Variants in GLYATL3 observed in about 807,000 individuals in gnomAD.
GLYATL3 encodes the protein glycine-N-acyltransferase like 3, also known as glycine N-acyltransferase-like protein 3.
In GLYATL3, 31 loss-of-function variants were observed where a neutral mutation model predicts 28.5. The ratio of observed to expected loss-of-function variants is 1.09; its 90% CI spans 0.82 to 1.47. GLYATL3 has a LOEUF of 1.47. Among genes scored for constraint, GLYATL3 ranks in the 40% most tolerant of loss-of-function variants. GLYATL3 has a pLI of 0.00. For missense variants in GLYATL3, 369 were observed against 351.5 expected, an observed-to-expected ratio of 1.05 and a Z score of -0.40; for synonymous variants, 141 against 140.2, an observed-to-expected ratio of 1.01 and a Z score of -0.04.
In GLYATL3 at chr6:49,500,036, C is replaced by T. The variant is rs1441509069; in HGVS notation, c.-35C>T. 6.6e-6 allele frequency: 1 copy of T among 152,032 alleles called. No individual in the cohort carries two copies. The highest frequency in any genetic ancestry group is 1.5e-5 in the Non-Finnish European group (1 of 68,004). 9.4% of individuals were successfully genotyped at this position (152,032 alleles called of 1,614,324 possible). On this transcript the variant is annotated 5_prime_UTR_variant, in exon 1 of 6. Transcript: ENST00000371197. Reference sequence around the variant, plus strand: ...AAACCCTCAGTTCTGGACTGAACTCCCAGCAGGTAAACATTTATTCATTAA... The same window carrying T: ...AAACCCTCAGTTCTGGACTGAACTCTCAGCAGGTAAACATTTATTCATTAA...
At chr6:49,503,493 G>A (rs1192908004) in intron 1 of GLYATL3, among the ~76,000 whole-genome samples, 1 of 152,216 alleles carries the variant, frequency 6.6e-6, no homozygotes, top group African/African-American at 2.4e-5. Context: ...TAATAGGGGA[G>A]GGTTGTCACT....
chr6:49,521,679 G>T lies in GLYATL3; in HGVS notation c.348G>T (p.Ala116=). 1 of 1,550,374 alleles carries T rather than the reference G, an allele frequency of 6.5e-7. No individual in the cohort carries two copies. Among genetic ancestry groups the T allele is most frequent in the Non-Finnish European group, 8.7e-7 (1 of 1,145,886 alleles). Residue 116 remains alanine, a synonymous_variant, in exon 5 of 6, where the codon GCG becomes GCT. Transcript: ENST00000371197. ...LQSELYDVSK[A]VANSKQLNIK... is the part of the protein sequence containing the mutation. Reference sequence around the variant, plus strand: ...GTGAGTTATATGATGTTTCCAAAGCGGTTGCCAATTCAAAGCAGTTGAATA... The same window carrying T: ...GTGAGTTATATGATGTTTCCAAAGCTGTTGCCAATTCAAAGCAGTTGAATA...
At chr6:49,519,004 T>C (rs928842552) in intron 4 of GLYATL3, among the ~76,000 whole-genome samples, 2 of 152,140 alleles carry the variant, frequency 1.3e-5, no homozygotes, top group African/African-American at 4.8e-5. Context: ...AGCTCTAAAC[T>C]ATCTCTCACC....
intron 4 of GLYATL3, among the ~76,000 whole-genome samples, chr6:49,518,604 G>A (rs1047094835): frequency 2.0e-5 from 3 of 152,016 alleles, no homozygotes; most frequent in African/African-American, 7.2e-5. Flanking sequence ...TACAAGTAAT[G>A]ATTAACACAT....
rs1400162541 is a variant in GLYATL3 at position 49,526,675 on chromosome 6, G to A, written c.628G>A (p.Ala210Thr). ...PVSWSITDQF[A>T]TMCHGYTLPE... is the part of the protein sequence containing the mutation. ...CTCCTGGTCCATCACAGACCAGTTTGCCACCATGTGCCATGGCTACACCCT... is the reference window on the plus strand; with the variant it reads ...CTCCTGGTCCATCACAGACCAGTTTACCACCATGTGCCATGGCTACACCCT... Residue 210 changes from alanine (A) to threonine (T), a missense_variant, in exon 6 of 6, where the codon GCC becomes ACC. By Grantham distance (58) the Ala-to-Thr change is moderately conservative. Coordinates refer to ENST00000371197, the MANE Select transcript of GLYATL3 (RefSeq NM_001010904.2). The A allele has an allele frequency of 6.4e-7, 1 of 1,551,678 alleles. No individual in the cohort carries two copies. Among genetic ancestry groups the A allele is most frequent in the African/African-American group, 1.4e-5 (1 of 73,050 alleles).
At chr6:49,526,165 C>T (rs766678396) in intron 5 of GLYATL3, among the ~76,000 whole-genome samples, 25 of 152,070 alleles carry the variant, frequency 1.6e-4, no homozygotes, top group Non-Finnish European at 3.2e-4. Flanking sequence ...CCTATAATCT[C>T]AGCTCTTTGG....
chr6:49,521,903 G>T, intron 5 of GLYATL3, 132 bp downstream of exon 5: 1 of 723,246 alleles, frequency 1.4e-6, no homozygotes. Context: ...GCACAAACGG[G>T]AGTATGTGTG....
chr6:49,515,468 G>A (rs1479704670), intron 2 of GLYATL3, among the ~76,000 whole-genome samples, 185 bp from the exon 3 acceptor site: 1 of 152,082 alleles, frequency 6.6e-6, no homozygotes, highest in East Asian at 1.9e-4. Context: ...GTTTTCAAGT[G>A]CACTGATAAA....
rs1361738467 is a variant in GLYATL3, at chr6:49,500,029, T to G, written c.-42T>G. On this transcript the variant is annotated 5_prime_UTR_variant, in exon 1 of 6. Coordinates refer to ENST00000371197, the MANE Select transcript of GLYATL3 (RefSeq NM_001010904.2). Reference sequence around the variant, plus strand: ...CAGCTGAAAACCCTCAGTTCTGGACTGAACTCCCAGCAGGTAAACATTTAT... The same window carrying G: ...CAGCTGAAAACCCTCAGTTCTGGACGGAACTCCCAGCAGGTAAACATTTAT... The G allele has an allele frequency of 6.6e-6, 1 of 152,178 alleles. No individual in the cohort carries two copies. The highest frequency in any genetic ancestry group is 1.5e-5 in the Non-Finnish European group (1 of 68,024). The allele number at this position is 152,178 out of a possible 1,614,324, so 9.4% of individuals were successfully genotyped here.
At chr6:49,514,181 A>G (rs1769172728) in intron 2 of GLYATL3, among the ~76,000 whole-genome samples, 1 of 152,138 alleles carries the variant, frequency 6.6e-6, no homozygotes, top group Admixed American at 6.5e-5. Context: ...CCCCTTTCCA[A>G]CCGCTACCTC....
chr6:49,510,548 A>G (rs555417138), intron 1 of GLYATL3, among the ~76,000 whole-genome samples: 2 of 152,348 alleles, frequency 1.3e-5, no homozygotes, highest in South Asian at 2.1e-4. Context: ...CTATCAGGAT[A>G]TATTGAATTC....
In GLYATL3 at chr6:49,526,573, C is replaced by T; in HGVS notation, c.526C>T (p.Gln176Ter). 1 of 1,551,890 alleles carries T rather than the reference C, an allele frequency of 6.4e-7. No homozygotes were observed. The highest frequency in any genetic ancestry group is 1.2e-5 in the South Asian group (1 of 84,058). ...GACTTGGTCCCGGGGAGGCAATGAA[C>T]AATGTCTCCGGTACATCGCCAACCT... is the stretch of plus-strand genomic sequence containing the variant. The part of the protein sequence containing the change: ...NRTWSRGGNE[Q>*]CLRYIANLIS... The change falls in exon 6 of 6, where the codon CAA becomes TAA. Residue 176 changes from glutamine (Q) to a stop codon, truncating the protein, a stop_gained. Coordinates refer to ENST00000371197, the MANE Select transcript of GLYATL3 (RefSeq NM_001010904.2). LOFTEE classifies it high-confidence loss of function.
chr6:49,514,422 T>TA (rs34546816), intron 2 of GLYATL3, among the ~76,000 whole-genome samples: 1 of 152,200 alleles, frequency 6.6e-6, no homozygotes, highest in African/African-American at 2.4e-5. Context: ...TGAATGGTGG[T>TA]AAAAAGGATT....
rs1266543059 is a variant in GLYATL3 at position 49,526,676 on chromosome 6, C to T, written c.629C>T (p.Ala210Val). The T allele has an allele frequency of 6.4e-7, 1 of 1,551,812 alleles. No homozygotes were observed. Among genetic ancestry groups the T allele is most frequent in the East Asian group, 2.4e-5 (1 of 40,900 alleles). The change falls in exon 6 of 6, where the codon GCC becomes GTC. Residue 210 changes from alanine to valine, a missense_variant. Physicochemically the swap from Ala to Val is moderately conservative, Grantham distance 64. Coordinates refer to ENST00000371197, the MANE Select transcript of GLYATL3 (RefSeq NM_001010904.2). Reference protein sequence around the residue: ...PVSWSITDQFATMCHGYTLPE... With the variant: ...PVSWSITDQFVTMCHGYTLPE... ...TCCTGGTCCATCACAGACCAGTTTG[C>T]CACCATGTGCCATGGCTACACCCTG...
chr6:49,524,407 G>C (rs1220963185), intron 5 of GLYATL3, among the ~76,000 whole-genome samples: 1 of 152,082 alleles, frequency 6.6e-6, no homozygotes, highest in Non-Finnish European at 1.5e-5. Context: ...CGGTCACTGG[G>C]GATAGTCTTA....
chr6:49,519,247 A>T (rs114235316), intron 4 of GLYATL3, among the ~76,000 whole-genome samples: 242 of 150,950 alleles, frequency 1.6e-3, no homozygotes, highest in African/African-American at 5.7e-3. Context: ...TATAATTTCC[A>T]ATATCTTTTT....
At chr6:49,516,801 T>TA (rs1351957322) in intron 3 of GLYATL3, among the ~76,000 whole-genome samples, 2 of 151,558 alleles carry the variant, frequency 1.3e-5, no homozygotes, top group Non-Finnish European at 2.9e-5. Flanking sequence ...TGCTAAAAAA[T>TA]AAAAAATAAT....
intron 1 of GLYATL3, among the ~76,000 whole-genome samples, chr6:49,506,852 G>C (rs180936491): frequency 9.5e-4 from 145 of 152,138 alleles, no homozygotes; most frequent in African/African-American, 3.4e-3. Flanking sequence ...GAAGGAGAGT[G>C]AGGGCACCAG....
At chr6:49,508,619 T>C (rs1361792755) in intron 1 of GLYATL3, among the ~76,000 whole-genome samples, 2 of 152,178 alleles carry the variant, frequency 1.3e-5, no homozygotes, top group Admixed American at 6.5e-5. Flanking sequence ...GAGCTATGAA[T>C]ATCTGCTTTT....
Sources: gnomAD v4.1 joint callset for allele counts (sites outside exome capture counted in the v4.1 genomes callset) on GRCh38, gnomAD v4.1.1 for gene constraint, MANE v1.5 for transcripts, NCBI Gene and HGNC (gene_info 2026-07-23, HGNC 2026-07-21) for gene names.